The following PCBP3 variants were observed in gnomAD, a reference collection of about 807,000 sequenced individuals.
PCBP3 encodes poly(rC)-binding protein 3.
In PCBP3, 25 loss-of-function variants were observed where a neutral mutation model predicts 52.7. That is an observed-to-expected ratio of 0.47 (90% CI 0.35 to 0.66). The LOEUF is 0.66. Among genes scored for constraint, PCBP3 ranks in the 30% least tolerant of loss-of-function variants. The pLI, the probability that PCBP3 is intolerant of heterozygous loss-of-function variation, is 0.01. For synonymous variants in PCBP3, 162 were observed against 183.0 expected (o/e 0.89, Z 0.93); for missense variants, 391 against 490.3 (o/e 0.80, Z 1.91).
chr21:45,786,502 G>A (rs755830722), intron 4 of PCBP3, among the ~76,000 whole-genome samples: 1 of 152,134 alleles, frequency 6.6e-6, no homozygotes, highest in African/African-American at 2.4e-5. Flanking sequence ...CGTTTCCCAG[G>A]CTGGTCTCGA....
At position 45,880,917 on chromosome 21, in the gene PCBP3, GA is replaced by G. The variant is rs1043551203; in HGVS notation, c.11-15289del. On this transcript the variant is annotated intron_variant, in intron 5 of 17. Transcript: ENST00000681687. This position sits in a 1 kb window ranked among gnomAD's most constrained non-coding sequence, Gnocchi z 5.4. The stretch of plus-strand genomic sequence containing the variant: ...CCGGGGTTAAACAGCACAGCAGTGG[GA>G]AGGTACCCAGGGGCTTCAGCACGGG... Among the ~76,000 whole-genome samples the G allele has an allele frequency of 3.3e-5, 5 of 152,196 alleles. No homozygotes were observed. Among genetic ancestry groups the G allele is most frequent in the African/African-American group, 1.2e-4 (5 of 41,452 alleles).
chr21:45,766,753 G>C (rs1240707928), intron 4 of PCBP3, among the ~76,000 whole-genome samples: 1 of 152,190 alleles, frequency 6.6e-6, no homozygotes, highest in Admixed American at 6.5e-5. Flanking sequence ...CTCTCAACAG[G>C]AAAGGTGTGT....
intron 4 of PCBP3, among the ~76,000 whole-genome samples, chr21:45,810,021 T>C (rs2092634996): frequency 6.6e-6 from 1 of 152,216 alleles, no homozygotes; most frequent in Admixed American, 6.5e-5. Flanking sequence ...AAGCAAATTT[T>C]AGCCTAATAG....
At chr21:45,751,251 T>C (rs983461573) in intron 3 of PCBP3, among the ~76,000 whole-genome samples, 2 of 152,350 alleles carry the variant, frequency 1.3e-5, no homozygotes, top group South Asian at 2.1e-4. Context: ...ATGTATGTTT[T>C]CTGTTTCTCT....
intron 1 of PCBP3, among the ~76,000 whole-genome samples, chr21:45,658,772 G>A (rs1037110130): frequency 2.0e-5 from 3 of 152,094 alleles, no homozygotes; most frequent in Non-Finnish European, 4.4e-5. Context: ...ATGTTTGATA[G>A]AATTTAATAG....
intron 1 of PCBP3, among the ~76,000 whole-genome samples, chr21:45,651,967 A>G (rs183400587): frequency 2.6e-5 from 4 of 152,310 alleles, no homozygotes; most frequent in Admixed American, 6.5e-5. Flanking sequence ...TTAAAGTGCA[A>G]TATGGATTCT....
At chr21:45,684,891 T>C (rs997975281) in intron 2 of PCBP3, among the ~76,000 whole-genome samples, 5 of 152,230 alleles carry the variant, frequency 3.3e-5, no homozygotes, top group Non-Finnish European at 5.9e-5. Context: ...TCTTAGTGTT[T>C]ATAGTGATTT....
intron 11 of PCBP3, among the ~76,000 whole-genome samples, chr21:45,912,236 G>A (rs2096411111): frequency 6.6e-6 from 1 of 152,210 alleles, no homozygotes; most frequent in African/African-American, 2.4e-5. Flanking sequence ...GGAGGTTTGA[G>A]CAAGACAGGG....
intron 5 of PCBP3, among the ~76,000 whole-genome samples, chr21:45,868,865 C>T (rs1423200773): frequency 2.0e-5 from 3 of 152,292 alleles, no homozygotes; most frequent in Admixed American, 6.5e-5. Context: ...CCCCGCAGGA[C>T]GTGGGGTTGG....
chr21:45,727,773 G>T (rs2085163182), intron 2 of PCBP3, among the ~76,000 whole-genome samples: 1 of 152,134 alleles, frequency 6.6e-6, no homozygotes, highest in African/African-American at 2.4e-5. Context: ...CTCCAGGATG[G>T]GTTGTTTGCT....
At chr21:45,711,760 G>T (rs2083856539) in intron 2 of PCBP3, among the ~76,000 whole-genome samples, 1 of 152,156 alleles carries the variant, frequency 6.6e-6, no homozygotes, top group Non-Finnish European at 1.5e-5. Flanking sequence ...ATCCTGTCTT[G>T]AGATTGGACA....
Position 45,843,084 on chromosome 21 carries a change from C to T in PCBP3, c.-125-6877C>T, listed in dbSNP as rs1359812916. On this transcript the variant is annotated intron_variant, in intron 4 of 17. Coordinates refer to ENST00000681687, the MANE Select transcript of PCBP3 (RefSeq NM_001384156.1). ...AACAAATAAGAAACCCAAAGAATAGCGAACTCACCGCTGTGTCATTCTCCA... is the reference window on the plus strand; with the variant it reads ...AACAAATAAGAAACCCAAAGAATAGTGAACTCACCGCTGTGTCATTCTCCA... Among the ~76,000 whole-genome samples the T allele has an allele frequency of 4.0e-5, 6 of 151,550 alleles. No individual in the cohort carries two copies. In the East Asian group the frequency reaches 7.8e-4, roughly 20 times the overall value.
At chr21:45,910,508 G>T (rs2096365996) in intron 10 of PCBP3, among the ~76,000 whole-genome samples, 1 of 152,152 alleles carries the variant, frequency 6.6e-6, no homozygotes, top group Non-Finnish European at 1.5e-5. Flanking sequence ...CTTGCCCTAT[G>T]CAGCAGGGCA....
intron 2 of PCBP3, among the ~76,000 whole-genome samples, chr21:45,717,474 A>G (rs145299307): frequency 8.1e-4 from 123 of 152,266 alleles, no homozygotes; most frequent in African/African-American, 2.9e-3. Flanking sequence ...CGAGTTTTTC[A>G]TAGATATCCA....
intron 9 of PCBP3, 59 bp from the exon 10 acceptor site, chr21:45,909,296 T>G: frequency 6.4e-7 from 1 of 1,563,350 alleles, no homozygotes; most frequent in Admixed American, 1.7e-5. Flanking sequence ...CCCCCTGCCC[T>G]CCTGCTTTCT....
intron 4 of PCBP3, among the ~76,000 whole-genome samples, chr21:45,787,565 G>GT: frequency 6.6e-6 from 1 of 152,158 alleles, no homozygotes. Context: ...CCTCATCCGA[G>GT]TTTTTTGGAA....
chr21:45,723,237 T>C (rs964404363), intron 2 of PCBP3, among the ~76,000 whole-genome samples: 4 of 152,298 alleles, frequency 2.6e-5, no homozygotes, highest in Admixed American at 2.0e-4. Context: ...TGGCCTGCCG[T>C]CTGCGGCCTA....
rs2085965462 is a variant in PCBP3 at position 45,737,457 on chromosome 21, A to AT, written c.-162+2032dup. ...ACAACACCTGTTATGTGCTGTTCCC[A>AT]TTTTCTCTTCGACTTTGGTGTTGTC... On this transcript the variant is annotated intron_variant, in intron 3 of 17. Transcript: ENST00000681687. This position sits in a 1 kb window ranked among gnomAD's most constrained non-coding sequence, Gnocchi z 4.9. Among the ~76,000 whole-genome samples, 2 of 152,142 alleles carry AT rather than the reference A, an allele frequency of 1.3e-5. No homozygotes were observed. Among genetic ancestry groups the AT allele is most frequent in the Admixed American group, 1.3e-4 (2 of 15,276 alleles).
intron 6 of PCBP3, among the ~76,000 whole-genome samples, chr21:45,897,422 C>T (rs2095861239): frequency 6.6e-6 from 1 of 152,202 alleles, no homozygotes; most frequent in South Asian, 2.1e-4. Context: ...TGGCCGTTGG[C>T]AGGAACGTGG....
Sources: allele counts gnomAD v4.1 joint callset (sites outside exome capture counted in the v4.1 genomes callset), GRCh38; gene constraint gnomAD v4.1.1; non-coding constraint Gnocchi (gnomAD v3.1); transcripts MANE v1.5; gene names NCBI Gene and HGNC (gene_info 2026-07-23, HGNC 2026-07-21).